Variants in PSD3 observed in about 807,000 individuals in gnomAD.
PSD3 encodes pleckstrin and Sec7 domain containing 3.
PSD3 carries 49 observed loss-of-function variants against 105.5 expected under a neutral mutation model. The observed-to-expected ratio is 0.46, with a 90% CI of 0.37 to 0.59. The LOEUF is 0.59. Among genes scored for constraint, PSD3 ranks in the 20% least tolerant of loss-of-function variants. The pLI, the probability that PSD3 is intolerant of heterozygous loss-of-function variation, is 0.00. For missense variants in PSD3, 1,561 were observed against 1,263.8 expected (o/e 1.24, Z -3.57); for synonymous variants, 557 against 457.8 (o/e 1.22, Z -2.77).
chr8:18,983,686 A>G (rs967688845), intron 1 of PSD3, among the ~76,000 whole-genome samples: 2 of 152,116 alleles, frequency 1.3e-5, no homozygotes, highest in African/African-American at 4.8e-5. Context: ...TGGTGTCCCA[A>G]AGCAATTACA....
intron 8 of PSD3, among the ~76,000 whole-genome samples, chr8:18,793,473 G>C (rs1016714069): frequency 7.3e-5 from 11 of 150,138 alleles, no homozygotes; most frequent in African/African-American, 2.7e-4. Context: ...CCTGCACATA[G>C]ACCCCTGACC....
In PSD3 at chr8:19,057,019, C is replaced by A. The variant is rs148882698; in HGVS notation, c.324+27187G>T. Among the ~76,000 whole-genome samples the A allele has an allele frequency of 1.8e-3, 277 of 152,194 alleles. 1 individual carries two copies. The highest frequency in any genetic ancestry group is 0.014 in the Middle Eastern group (4 of 294). ...TCACCAAACCTATACGCCGGTTTGC[C>A]TCTAGCTAGCTTTTGATGAGCTCTT... is the stretch of plus-strand genomic sequence containing the variant. On this transcript the variant is annotated intron_variant, in intron 1 of 1. Coordinates refer to the PSD3 transcript ENST00000521475.
At chr8:18,925,504 A>G (rs998289979) in intron 2 of PSD3, among the ~76,000 whole-genome samples, 1 of 152,142 alleles carries the variant, frequency 6.6e-6, no homozygotes, top group Non-Finnish European at 1.5e-5. Context: ...CTCTAAAGAT[A>G]TACAGGTTGA....
intron 4 of PSD3, among the ~76,000 whole-genome samples, chr8:18,861,602 C>A (rs527454252): frequency 2.6e-5 from 4 of 152,144 alleles, no homozygotes; most frequent in Non-Finnish European, 5.9e-5. Flanking sequence ...CAGCCAGTCA[C>A]CCATGCTTGA....
At chr8:18,960,241 A>G (rs1308568418) in intron 1 of PSD3, among the ~76,000 whole-genome samples, 1 of 152,224 alleles carries the variant, frequency 6.6e-6, no homozygotes, top group East Asian at 1.9e-4. Context: ...TTGAAAAATT[A>G]TGAATGTCAG....
At position 18,600,495 on chromosome 8, in the gene PSD3, A is replaced by T. The variant is rs1025542706; in HGVS notation, c.2411-61T>A. On this transcript the variant is annotated intron_variant, in intron 11 of 15. Coordinates refer to ENST00000327040, the MANE Select transcript of PSD3 (RefSeq NM_015310.4). ...CATCAGCATTTTAGAAAGAGAATCTAAATGATCAACATGGTGACAGTGTTT... is the reference window on the plus strand; with the variant it reads ...CATCAGCATTTTAGAAAGAGAATCTTAATGATCAACATGGTGACAGTGTTT... 3 of 1,312,224 alleles carry T rather than the reference A, an allele frequency of 2.3e-6. No individual in the cohort carries two copies. In the African/African-American group the frequency reaches 4.4e-5, roughly 19 times the overall value. 81.3% of individuals were successfully genotyped at this position (1,312,224 alleles called of 1,614,324 possible). A position where few individuals can be genotyped will look rare whatever the true frequency, so the allele number is the denominator to read the frequency against.
intron 1 of PSD3, among the ~76,000 whole-genome samples, chr8:18,948,870 T>G (rs1446448943): frequency 1.8e-4 from 10 of 55,634 alleles, no homozygotes; most frequent in African/African-American, 6.1e-4. Flanking sequence ...TCATGAGAAG[T>G]AAGTGTCTTC....
At chr8:19,004,921 A>G (rs769587869) in intron 1 of PSD3, among the ~76,000 whole-genome samples, 5 of 152,042 alleles carry the variant, frequency 3.3e-5, no homozygotes, top group South Asian at 2.1e-4. Context: ...GCCTTCCACC[A>G]TGATTGTGAG....
intron 12 of PSD3, among the ~76,000 whole-genome samples, chr8:18,590,308 C>T (rs953084237): frequency 3.3e-5 from 5 of 152,096 alleles, no homozygotes; most frequent in African/African-American, 7.2e-5. Flanking sequence ...CCATCTGATT[C>T]AGTACTGCGG....
intron 1 of PSD3, among the ~76,000 whole-genome samples, chr8:18,993,147 G>A (rs186145980): frequency 1.3e-5 from 2 of 152,260 alleles, no homozygotes; most frequent in Admixed American, 1.3e-4. Flanking sequence ...TGTCTTTTCT[G>A]TAGTCCTCAG....
chr8:18,688,894 T>C (rs1408975508), intron 9 of PSD3, among the ~76,000 whole-genome samples: 1 of 152,086 alleles, frequency 6.6e-6, no homozygotes, highest in East Asian at 1.9e-4. Flanking sequence ...TGTTTAAAGG[T>C]ACAAAATAAC....
chr8:18,815,822 T>C (rs973157375), intron 4 of PSD3, among the ~76,000 whole-genome samples: 2 of 152,140 alleles, frequency 1.3e-5, no homozygotes, highest in African/African-American at 4.8e-5. Flanking sequence ...AGCAGCAGCC[T>C]GACAACATAT....
At chr8:18,769,547 GGT>G (rs1164490046) in intron 8 of PSD3, among the ~76,000 whole-genome samples, 3 of 152,050 alleles carry the variant, frequency 2.0e-5, no homozygotes, top group Non-Finnish European at 4.4e-5. Flanking sequence ...TTTTAATAAA[GGT>G]GTGCAATCAC....
At chr8:18,704,395 T>C (rs1314720450) in intron 9 of PSD3, among the ~76,000 whole-genome samples, 2 of 152,200 alleles carry the variant, frequency 1.3e-5, no homozygotes, top group African/African-American at 2.4e-5. Context: ...TGGAGTGCAG[T>C]TGTGTGGTCT....
At chr8:18,672,105 T>C (rs1799818252) in intron 9 of PSD3, among the ~76,000 whole-genome samples, 1 of 152,222 alleles carries the variant, frequency 6.6e-6, no homozygotes, top group Non-Finnish European at 1.5e-5. Flanking sequence ...GTCCATCTTG[T>C]TGGTAAGCCT....
intron 8 of PSD3, among the ~76,000 whole-genome samples, chr8:18,791,262 G>C (rs1245722257): frequency 6.6e-6 from 1 of 152,030 alleles, no homozygotes; most frequent in East Asian, 1.9e-4. Flanking sequence ...GAACCACCCA[G>C]ACAGTCAAAG....
intron 9 of PSD3, 61 bp downstream of exon 9, chr8:18,765,388 A>T: frequency 7.1e-7 from 1 of 1,417,844 alleles, no homozygotes; most frequent in Non-Finnish European, 1.0e-6. Flanking sequence ...ACTTAGGATT[A>T]AGCTGTAAGC....
chr8:18,982,508 T>C (rs369928915), intron 1 of PSD3, among the ~76,000 whole-genome samples: 2 of 152,342 alleles, frequency 1.3e-5, no homozygotes, highest in East Asian at 1.9e-4. Context: ...TTACTATCTA[T>C]AGCAGCTACA....
intron 11 of PSD3, among the ~76,000 whole-genome samples, chr8:18,620,963 G>A (rs376776982): frequency 2.0e-5 from 3 of 152,132 alleles, no homozygotes; most frequent in Non-Finnish European, 2.9e-5. Flanking sequence ...TAAACAGAAC[G>A]AGTCAGCAGT....
Sources: gnomAD v4.1 joint callset for allele counts (sites outside exome capture counted in the v4.1 genomes callset) on GRCh38, gnomAD v4.1.1 for gene constraint, MANE v1.5 for transcripts, NCBI Gene and HGNC (gene_info 2026-07-23, HGNC 2026-07-21) for gene names.